Variants in SPOCK3 observed in about 807,000 individuals in gnomAD.
The protein encoded by SPOCK3 is testican-3.
A neutral mutation model predicts 56.6 loss-of-function variants in SPOCK3; 30 were observed. That is an observed-to-expected ratio of 0.53 (90% CI 0.40 to 0.72). The LOEUF is 0.72. SPOCK3 is among the 30% of genes least tolerant of loss of function. The probability of loss-of-function intolerance (pLI) is 0.00; values close to 1 mark genes in which losing one functional copy is unlikely to be tolerated. For missense variants in SPOCK3, 527 were observed against 530.0 expected (o/e 0.99, Z 0.06); for synonymous variants, 196 against 183.3 (o/e 1.07, Z -0.56).
intron 2 of SPOCK3, among the ~76,000 whole-genome samples, chr4:167,122,977 G>A (rs908482556): frequency 6.6e-6 from 1 of 151,622 alleles, no homozygotes. Context: ...AAAAAAATAC[G>A]GAGAGTTTTC....
At chr4:166,991,305 C>A (rs1409357907) in intron 4 of SPOCK3, among the ~76,000 whole-genome samples, 2 of 151,652 alleles carry the variant, frequency 1.3e-5, no homozygotes, top group African/African-American at 4.8e-5. Context: ...TACATTTATT[C>A]CTGAAGCTGA....
chr4:167,202,374 G>C (rs1374676976), intron 2 of SPOCK3, among the ~76,000 whole-genome samples: 1 of 151,834 alleles, frequency 6.6e-6, no homozygotes, highest in Non-Finnish European at 1.5e-5. Flanking sequence ...AGACATGAGA[G>C]AAAGAAAAAA....
At chr4:167,144,005 A>T (rs1315349192) in intron 2 of SPOCK3, among the ~76,000 whole-genome samples, 1 of 152,026 alleles carries the variant, frequency 6.6e-6, no homozygotes, top group Non-Finnish European at 1.5e-5. Context: ...TACACAGCAC[A>T]TGTTATGCTC....
intron 2 of SPOCK3, among the ~76,000 whole-genome samples, chr4:167,087,248 C>T (rs547360249): frequency 2.0e-5 from 3 of 152,076 alleles, no homozygotes; most frequent in Admixed American, 6.6e-5. Flanking sequence ...CATAGCTGTT[C>T]CATAAAGAAC....
chr4:166,854,285 G>A (rs1418867899), intron 6 of SPOCK3, among the ~76,000 whole-genome samples: 2 of 152,120 alleles, frequency 1.3e-5, no homozygotes, highest in African/African-American at 2.4e-5. Context: ...TTTTCCAACA[G>A]TACTTTAACA....
chr4:167,184,486 C>T (rs755968141), intron 2 of SPOCK3, among the ~76,000 whole-genome samples: 3 of 152,242 alleles, frequency 2.0e-5, no homozygotes, highest in African/African-American at 2.4e-5. Flanking sequence ...GAGCCAGGTA[C>T]CACTGCAGGA....
At chr4:167,152,536 T>C (rs1764511402) in intron 2 of SPOCK3, among the ~76,000 whole-genome samples, 1 of 152,156 alleles carries the variant, frequency 6.6e-6, no homozygotes, top group Non-Finnish European at 1.5e-5. Flanking sequence ...ATCTGACACA[T>C]CTGTGTGATA....
intron 7 of SPOCK3, among the ~76,000 whole-genome samples, chr4:166,770,212 A>C (rs1246640147): frequency 6.6e-6 from 1 of 152,034 alleles, no homozygotes; most frequent in African/African-American, 2.4e-5. Context: ...CTGTCCGATA[A>C]GCCCCAGTGA....
In SPOCK3 at chr4:166,822,257, C is replaced by T. The variant is rs558829441; in HGVS notation, c.590-29968G>A. On this transcript the variant is annotated intron_variant, in intron 6 of 10. Transcript: ENST00000357545. ...CTCTGCCTTCTTATCCTTGTTTTCC[C>T]GCTGACCAACGAAATGAACTCAAAC... Among the ~76,000 whole-genome samples the T allele has an allele frequency of 2.6e-5, 4 of 152,002 alleles. No individual in the cohort carries two copies. In the East Asian group the frequency reaches 5.8e-4, roughly 22 times the overall value.
At chr4:166,852,927 G>T (rs1730280794) in intron 6 of SPOCK3, among the ~76,000 whole-genome samples, 1 of 152,136 alleles carries the variant, frequency 6.6e-6, no homozygotes, top group African/African-American at 2.4e-5. Context: ...CATGAGAAAA[G>T]AAGTATATGA....
intron 4 of SPOCK3, among the ~76,000 whole-genome samples, chr4:166,953,852 G>T (rs548507664): frequency 6.6e-6 from 1 of 151,920 alleles, no homozygotes; most frequent in African/African-American, 2.4e-5. Flanking sequence ...ACCAAACACC[G>T]CATATTCTCA....
intron 6 of SPOCK3, among the ~76,000 whole-genome samples, chr4:166,831,203 T>C (rs1256206827): frequency 6.6e-6 from 1 of 152,238 alleles, no homozygotes. Flanking sequence ...TCTGAATTTG[T>C]TAAGTCATTT....
intron 2 of SPOCK3, among the ~76,000 whole-genome samples, chr4:167,136,772 TA>T (rs1411176621): frequency 6.6e-6 from 1 of 152,102 alleles, no homozygotes; most frequent in East Asian, 1.9e-4. Context: ...GAGGGAGTGT[TA>T]AGCAATGGAA....
chr4:166,892,866 A>G (rs1734935394), intron 5 of SPOCK3, among the ~76,000 whole-genome samples: 2 of 152,060 alleles, frequency 1.3e-5, no homozygotes, highest in East Asian at 1.9e-4. Flanking sequence ...ATATTATTGG[A>G]AAAAAATGCG....
At chr4:167,056,978 T>C (rs999898038) in intron 3 of SPOCK3, among the ~76,000 whole-genome samples, 1 of 152,022 alleles carries the variant, frequency 6.6e-6, no homozygotes, top group African/African-American at 2.4e-5. Context: ...CCAAGTCACA[T>C]AATTGTCAGG....
At chr4:167,109,436 A>C in intron 2 of SPOCK3, among the ~76,000 whole-genome samples, 1 of 101,762 alleles carries the variant, frequency 9.8e-6, no homozygotes, top group Admixed American at 1.5e-4. Context: ...TATATGATAA[A>C]TATATATTTA....
At chr4:167,213,767 G>C (rs540466418) in intron 2 of SPOCK3, among the ~76,000 whole-genome samples, 1,626 of 152,124 alleles carry the variant, frequency 0.011, 26 homozygotes, top group African/African-American at 0.031. Context: ...AATCCTAAAA[G>C]ATGACATATG....
chr4:166,991,965 T>C (rs1265537040), intron 4 of SPOCK3, among the ~76,000 whole-genome samples: 1 of 152,138 alleles, frequency 6.6e-6, no homozygotes, highest in African/African-American at 2.4e-5. Flanking sequence ...TAAGAAAAAG[T>C]AGAACTAACC....
intron 4 of SPOCK3, among the ~76,000 whole-genome samples, chr4:166,944,527 T>A (rs1741488819): frequency 1.3e-5 from 2 of 152,194 alleles, no homozygotes; most frequent in African/African-American, 4.8e-5. Context: ...GTTACAGTTC[T>A]TCAGTGTTCT....
Sources: allele counts gnomAD v4.1 joint callset (sites outside exome capture counted in the v4.1 genomes callset), GRCh38; gene constraint gnomAD v4.1.1; transcripts MANE v1.5; gene names NCBI Gene and HGNC (gene_info 2026-07-23, HGNC 2026-07-21).